The following ATP8A1 variants were observed in gnomAD, a reference collection of about 807,000 sequenced individuals.
ATP8A1 encodes the protein ATPase phospholipid transporting 8A1.
ATP8A1 carries 90 observed loss-of-function variants against 177.7 expected under a neutral mutation model. That is an observed-to-expected ratio of 0.51 (90% confidence interval 0.43 to 0.60). The LOEUF (loss-of-function observed/expected upper bound fraction) is 0.60. ATP8A1 is among the 20% of genes least tolerant of loss of function. ATP8A1 has a pLI of 0.00. For missense variants in ATP8A1, 1,072 were observed against 1,392.8 expected, an observed-to-expected ratio of 0.77 and a Z score of 3.67; for synonymous variants, 493 against 485.9, an observed-to-expected ratio of 1.01 and a Z score of -0.19.
At chr4:42,463,605 G>T (rs1420216298) in intron 27 of ATP8A1, among the ~76,000 whole-genome samples, 1 of 152,170 alleles carries the variant, frequency 6.6e-6, no homozygotes, top group Non-Finnish European at 1.5e-5. Context: ...GTAGTTGTTG[G>T]ACTAAGCCTG....
intron 27 of ATP8A1, among the ~76,000 whole-genome samples, chr4:42,458,109 T>G (rs1284861708): frequency 2.0e-5 from 3 of 152,194 alleles, no homozygotes; most frequent in Non-Finnish European, 2.9e-5. Flanking sequence ...GAGAAGGTCT[T>G]TAACAGTGAA....
intron 36 of ATP8A1, among the ~76,000 whole-genome samples, chr4:42,413,264 A>G (rs1712828436): frequency 6.6e-6 from 1 of 152,152 alleles, no homozygotes; most frequent in Non-Finnish European, 1.5e-5. Context: ...GGCACCCTCA[A>G]TTCCCCTAAA....
At chr4:42,561,136 T>C (rs1384957636) in intron 15 of ATP8A1, among the ~76,000 whole-genome samples, 1 of 152,212 alleles carries the variant, frequency 6.6e-6, no homozygotes, top group East Asian at 1.9e-4. Context: ...AGGCAGCTTG[T>C]TAGCACCAAG....
In ATP8A1 at chr4:42,415,549, C is replaced by G. The variant is rs1342582969; in HGVS notation, c.3306-831G>C. On this transcript the variant is annotated intron_variant, in intron 35 of 36. Transcript: ENST00000381668. ...AATTCTGAAATGTACTTATAGACAT[C>G]ATCCATCTTCCAAATCATGCCATTT... 2.0e-5 allele frequency among the ~76,000 whole-genome samples: 3 copies of G among 152,286 alleles called. No individual in the cohort carries two copies. The East Asian group carries it at 5.8e-4, about 29-fold the overall frequency.
At chr4:42,647,236 C>G (rs1033407770) in intron 1 of ATP8A1, among the ~76,000 whole-genome samples, 9 of 152,180 alleles carry the variant, frequency 5.9e-5, no homozygotes. Context: ...GTATTTCTAA[C>G]AAGCTTACTT....
intron 33 of ATP8A1, among the ~76,000 whole-genome samples, chr4:42,430,672 C>CT (rs763705152): frequency 1.3e-5 from 2 of 152,158 alleles, no homozygotes; most frequent in Non-Finnish European, 2.9e-5. Context: ...TTGCTCCCCT[C>CT]TACGTGTCCA....
intron 30 of ATP8A1, 128 bp from the exon 31 acceptor site, chr4:42,446,772 TA>T (rs35005173): frequency 7.2e-3 from 3,867 of 540,550 alleles, no homozygotes; most frequent in East Asian, 0.013. Context: ...GAAATGAGAT[TA>T]AAAAAAAAAA....
rs770188309 is a variant in ATP8A1 at position 42,600,433 on chromosome 4, G to A, written c.450+45C>T. 7.8e-6 allele frequency: 12 copies of A among 1,539,790 alleles called. No individual in the cohort carries two copies. In the African/African-American group the frequency reaches 8.3e-5, roughly 11 times the overall value. On this transcript the variant is annotated intron_variant, in intron 6 of 36. Coordinates refer to ENST00000381668, the MANE Select transcript of ATP8A1 (RefSeq NM_006095.2). The stretch of plus-strand genomic sequence containing the variant: ...AAAATTATATATACTAGAGTACACC[G>A]CTATGTATTTCTTCTCCTGGAACAA...
chr4:42,512,768 C>A (rs1725138116), intron 22 of ATP8A1, among the ~76,000 whole-genome samples: 1 of 152,128 alleles, frequency 6.6e-6, no homozygotes, highest in Non-Finnish European at 1.5e-5. Context: ...CTGGGCCCTA[C>A]ACCCAGAATT....
intron 33 of ATP8A1, among the ~76,000 whole-genome samples, chr4:42,424,773 T>C (rs1333991862): frequency 2.6e-5 from 4 of 152,246 alleles, no homozygotes; most frequent in Admixed American, 2.0e-4. Context: ...GACATGAGCT[T>C]ATCGATACAG....
chr4:42,624,690 A>AT, intron 3 of ATP8A1, 56 bp from the exon 4 acceptor site: 1 of 991,232 alleles, frequency 1.0e-6, no homozygotes, highest in Non-Finnish European at 1.4e-6. Flanking sequence ...AATTTATAAT[A>AT]GATTCAAGAA....
At chr4:42,636,103 A>T in intron 1 of ATP8A1, among the ~76,000 whole-genome samples, 1 of 122,480 alleles carries the variant, frequency 8.2e-6, no homozygotes, top group South Asian at 2.9e-4. Flanking sequence ...TCTCCAAAGG[A>T]AAGCAATGGG....
intron 12 of ATP8A1, among the ~76,000 whole-genome samples, chr4:42,577,225 G>A (rs1257555128): frequency 6.6e-6 from 1 of 152,166 alleles, no homozygotes; most frequent in Non-Finnish European, 1.5e-5. Flanking sequence ...CTCACAATGA[G>A]TTACCCTATT....
intron 15 of ATP8A1, among the ~76,000 whole-genome samples, chr4:42,563,030 G>A (rs1730999211): frequency 6.6e-6 from 1 of 152,232 alleles, no homozygotes; most frequent in South Asian, 2.1e-4. Context: ...ACCCGAAAAT[G>A]TGGAAGCCAC....
At chr4:42,623,395 G>A (rs1300047948) in intron 4 of ATP8A1, among the ~76,000 whole-genome samples, 2 of 152,142 alleles carry the variant, frequency 1.3e-5, no homozygotes, top group East Asian at 3.9e-4. Context: ...ATATGCATAT[G>A]TATGTTCATT....
At chr4:42,500,614 C>A (rs1056617912) in intron 24 of ATP8A1, among the ~76,000 whole-genome samples, 1 of 151,822 alleles carries the variant, frequency 6.6e-6, no homozygotes, top group Admixed American at 6.6e-5. Flanking sequence ...TTCTGCTGAT[C>A]CTGGCAATTT....
rs73810730 is a variant in ATP8A1, at chr4:42,593,852, A to G, written c.451-2968T>C. 5.6e-3 allele frequency among the ~76,000 whole-genome samples: 857 copies of G among 152,216 alleles called. 9 individuals are homozygous for G. The highest frequency in any genetic ancestry group is 0.02 in the African/African-American group (824 of 41,570). On this transcript the variant is annotated intron_variant, in intron 6 of 36. Coordinates refer to ENST00000381668, the MANE Select transcript of ATP8A1 (RefSeq NM_006095.2). Reference sequence around the variant, plus strand: ...GGAAGAGTATGGCATTTCAAAAGGCATAATGGCAAAAAGAATCATTCATCC... The same window carrying G: ...GGAAGAGTATGGCATTTCAAAAGGCGTAATGGCAAAAAGAATCATTCATCC...
chr4:42,594,340 A>T (rs1439731570), intron 6 of ATP8A1: 1 of 1,598,172 alleles, frequency 6.3e-7, no homozygotes, highest in Non-Finnish European at 8.6e-7. Flanking sequence ...GCCTTTTATT[A>T]TAACTATATC....
intron 25 of ATP8A1, among the ~76,000 whole-genome samples, chr4:42,483,442 C>G (rs933925398): frequency 1.3e-5 from 2 of 151,096 alleles, no homozygotes; most frequent in African/African-American, 4.9e-5. Flanking sequence ...ACCTCATGGT[C>G]TTGAAACATG....
Sources: gnomAD v4.1 joint callset for allele counts (sites outside exome capture counted in the v4.1 genomes callset) on GRCh38, gnomAD v4.1.1 for gene constraint, MANE v1.5 for transcripts, NCBI Gene and HGNC (gene_info 2026-07-23, HGNC 2026-07-21) for gene names.